The following CENPL variants were observed in gnomAD, a reference collection of about 807,000 sequenced individuals.
The protein encoded by CENPL is centromere protein L.
A neutral mutation model predicts 35.2 loss-of-function variants in CENPL; 20 were observed. The observed-to-expected ratio is 0.57, with a 90% CI of 0.40 to 0.83. CENPL has a LOEUF of 0.83. Among genes scored for constraint, CENPL ranks in the 40% least tolerant of loss-of-function variants. The pLI is 0.00. For synonymous variants in CENPL, 140 were observed against 140.6 expected, an observed-to-expected ratio of 1.00 and a Z score of 0.03; for missense variants, 363 against 395.8, an observed-to-expected ratio of 0.92 and a Z score of 0.70.
chr1:173,822,177 C>G (rs1369838471), intron 2 of CENPL: 1 of 152,190 alleles, frequency 6.6e-6, no homozygotes. Flanking sequence ...CTTCAGCAAT[C>G]TCTTTCTTCC....
chr1:173,821,804 C>CT (rs57573875), intron 2 of CENPL: 2,795 of 94,010 alleles, frequency 0.03, 16 homozygotes, highest in Non-Finnish European at 0.035. Context: ...GTACTTCAGC[C>CT]TTTTTTTTTT....
intron 3 of CENPL, among the ~76,000 whole-genome samples, chr1:173,809,483 T>C (rs1312211704): frequency 2.0e-5 from 3 of 151,580 alleles, no homozygotes; most frequent in Non-Finnish European, 4.4e-5. Flanking sequence ...TCCCAGCTAC[T>C]CAGGAGGCTG....
Position 173,803,566 on chromosome 1 carries a change from T to G in CENPL, c.421-61A>C, listed in dbSNP as rs905121095. 7.7e-6 allele frequency: 11 copies of G among 1,434,088 alleles called. No individual in the cohort carries two copies. In the South Asian group the frequency reaches 1.6e-4, roughly 21 times the overall value. 88.8% of individuals were successfully genotyped at this position (1,434,088 alleles called of 1,614,324 possible). ...AGTACATTTACTTCTAAATTCCATCTTCTCAAAATTAGTTCATTAAAAATA... is the reference window on the plus strand; with the variant it reads ...AGTACATTTACTTCTAAATTCCATCGTCTCAAAATTAGTTCATTAAAAATA... On this transcript the variant is annotated intron_variant, in intron 4 of 5. Coordinates refer to ENST00000682279, the MANE Select transcript of CENPL (RefSeq NM_001387287.1).
At chr1:173,810,648 C>T (rs940700752) in intron 3 of CENPL, among the ~76,000 whole-genome samples, 37 of 152,176 alleles carry the variant, frequency 2.4e-4, no homozygotes, top group African/African-American at 6.3e-4. Context: ...AGGCCGGGCG[C>T]GGTGACTCAT....
In CENPL at chr1:173,802,955, A is replaced by G; in HGVS notation, c.963+8T>C. 6.3e-7 allele frequency: 1 copy of G among 1,576,918 alleles called. No individual in the cohort carries two copies. The highest frequency in any genetic ancestry group is 8.6e-7 in the Non-Finnish European group (1 of 1,158,538). On this transcript the variant is annotated splice_region_variant and intron_variant, in intron 5 of 5. Coordinates refer to ENST00000682279, the MANE Select transcript of CENPL (RefSeq NM_001387287.1). ...GAAAAATTACTTAACTAGATTGTTCAAACTAACCTTTATTTTTCCATCAGT... is the reference window on the plus strand; with the variant it reads ...GAAAAATTACTTAACTAGATTGTTCGAACTAACCTTTATTTTTCCATCAGT...
At chr1:173,815,427 A>G (rs1651266785) in intron 2 of CENPL, among the ~76,000 whole-genome samples, 1 of 152,226 alleles carries the variant, frequency 6.6e-6, no homozygotes, top group Admixed American at 6.5e-5. Flanking sequence ...CATGGATGCA[A>G]AAATCCTCAA....
chr1:173,807,115 T>C lies in CENPL; in HGVS notation c.420+152A>G, dbSNP rs1341326670. On this transcript the variant is annotated intron_variant, in intron 4 of 5. Coordinates refer to ENST00000682279, the MANE Select transcript of CENPL (RefSeq NM_001387287.1). ...TTTTTTGGTATTTTTATGTATTTCC[T>C]CAGTTTTTAAAAATAAACATGATTT... 7.0e-6 allele frequency: 4 copies of C among 574,230 alleles called. No homozygotes were observed. In the African/African-American group the frequency reaches 7.6e-5, roughly 11 times the overall value. 35.6% of individuals were successfully genotyped at this position (574,230 alleles called of 1,614,324 possible). A position where few individuals can be genotyped will look rare whatever the true frequency, so the allele number is the denominator to read the frequency against.
At chr1:173,821,726 C>T (rs1399612279) in intron 2 of CENPL, 2 of 151,912 alleles carry the variant, frequency 1.3e-5, no homozygotes, top group Non-Finnish European at 2.9e-5. Context: ...TGTCCCAATA[C>T]TCTTCCTTCC....
chr1:173,812,430 C>T (rs1430307500), intron 2 of CENPL, among the ~76,000 whole-genome samples: 2 of 152,194 alleles, frequency 1.3e-5, no homozygotes, highest in African/African-American at 4.8e-5. Context: ...CCGACTGACA[C>T]CTCACACAGG....
chr1:173,804,015 T>G (rs998806040), intron 4 of CENPL, among the ~76,000 whole-genome samples: 6 of 152,108 alleles, frequency 3.9e-5, no homozygotes, highest in African/African-American at 1.4e-4. Flanking sequence ...TGGCAAAATC[T>G]TGGTGTAACC....
chr1:173,812,404 C>T (rs536340655), intron 2 of CENPL, among the ~76,000 whole-genome samples: 1 of 152,342 alleles, frequency 6.6e-6, no homozygotes, highest in South Asian at 2.1e-4. Context: ...AATTGGGAGA[C>T]ACCTCCCAGT....
Position 173,807,364 on chromosome 1 carries a change from GC to G in CENPL, c.322del (p.Ala108LeufsTer12). ...GTTGAAGTCTTCTCCCACTTCCACA[GC>G]AAGTCCTTTTTGCTTTTCAGCAACA... ...FIVAEKQKGL[A>X]VEVGEDFNIK... On this transcript the variant is annotated frameshift_variant, in exon 4 of 6. Transcript: ENST00000682279. LOFTEE classifies it high-confidence loss of function. 1 of 1,613,660 alleles carries G rather than the reference GC, an allele frequency of 6.2e-7. No individual in the cohort carries two copies. The highest frequency in any genetic ancestry group is 8.5e-7 in the Non-Finnish European group (1 of 1,179,778).
At chr1:173,812,613 G>A (rs889716569) in intron 2 of CENPL, among the ~76,000 whole-genome samples, 3 of 152,154 alleles carry the variant, frequency 2.0e-5, no homozygotes, top group Admixed American at 6.5e-5. Flanking sequence ...CTAACAAACA[G>A]AAAGGAATAG....
chr1:173,802,397 G>A (rs1181085844), intron 5 of CENPL, among the ~76,000 whole-genome samples: 5 of 152,028 alleles, frequency 3.3e-5, no homozygotes, highest in Admixed American at 6.5e-5. Context: ...TAGTGGAGAC[G>A]GGGTTTCACC....
chr1:173,800,413 G>GT lies in CENPL; in HGVS notation c.*34dup, dbSNP rs1478805253. 1.2e-6 allele frequency: 1 copy of GT among 833,372 alleles called. No homozygotes were observed. Among genetic ancestry groups the GT allele is most frequent in the Admixed American group, 2.1e-5 (1 of 48,528 alleles). The allele number at this position is 833,372 out of a possible 1,614,324, so 51.6% of individuals were successfully genotyped here. ...GCAATTAGGCAAGTTATCAATAAGA[G>GT]TATATAATCTATAACTTATAGTCCA... is the stretch of plus-strand genomic sequence containing the variant. On this transcript the variant is annotated 3_prime_UTR_variant, in exon 6 of 6. Coordinates refer to ENST00000682279, the MANE Select transcript of CENPL (RefSeq NM_001387287.1).
rs771407346 is a variant in CENPL, at chr1:173,811,138, C to G, written c.162G>C (p.Gln54His). ...AGGGACACAAAAAGCATACCTGCAA[C>G]TGCGAACACTGGGGAATTTTCCTTC... ...PPRRKIPQCS[Q>H]LQEDVDPQKV... The change falls in exon 3 of 6, where the codon CAG (glutamine) becomes CAC (histidine). Residue 54 changes from glutamine (Q) to histidine (H), a missense_variant. Transcript: ENST00000682279. 2 of 1,611,430 alleles carry G rather than the reference C, an allele frequency of 1.2e-6. No homozygotes were observed. The highest frequency in any genetic ancestry group is 1.7e-6 in the Non-Finnish European group (2 of 1,177,822).
chr1:173,803,768 T>C (rs1382080476), intron 4 of CENPL, among the ~76,000 whole-genome samples: 1 of 151,378 alleles, frequency 6.6e-6, no homozygotes, highest in African/African-American at 2.4e-5. Context: ...ACCTCCTGGG[T>C]TCAAGTGATT....
chr1:173,805,531 C>T (rs953875669), intron 4 of CENPL, among the ~76,000 whole-genome samples: 2 of 150,542 alleles, frequency 1.3e-5, no homozygotes, highest in Non-Finnish European at 3.0e-5. Context: ...AAAAAAGTCT[C>T]TTTAGTTAAG....
At chr1:173,809,606 AC>A (rs1650603118) in intron 3 of CENPL, among the ~76,000 whole-genome samples, 1 of 151,686 alleles carries the variant, frequency 6.6e-6, no homozygotes, top group Non-Finnish European at 1.5e-5. Flanking sequence ...AAAAAAAAAA[AC>A]AAAACAACAA....
Sources: gnomAD v4.1 joint callset for allele counts (sites outside exome capture counted in the v4.1 genomes callset) on GRCh38, gnomAD v4.1.1 for gene constraint, MANE v1.5 for transcripts, NCBI Gene and HGNC (gene_info 2026-07-23, HGNC 2026-07-21) for gene names.